The following CEP83 variants were observed in gnomAD, a reference collection of about 807,000 sequenced individuals.
CEP83 encodes the protein centrosomal protein 83, also known as centrosomal protein of 83 kDa.
In CEP83, 70 loss-of-function variants were observed where a neutral mutation model predicts 101.9. That is an observed-to-expected ratio of 0.69 (90% CI 0.57 to 0.84). CEP83 has a LOEUF of 0.84. Ranked by LOEUF, CEP83 falls within the 40% of genes least tolerant of loss-of-function variation. The probability of loss-of-function intolerance (pLI) is 0.00; values close to 1 mark genes in which losing one functional copy is unlikely to be tolerated. For synonymous variants in CEP83, 264 were observed against 267.9 expected, an observed-to-expected ratio of 0.99 and a Z score of 0.14; for missense variants, 715 against 787.2, an observed-to-expected ratio of 0.91 and a Z score of 1.10.
chr12:94,316,879 A>G (rs1043067698), intron 14 of CEP83, among the ~76,000 whole-genome samples: 2 of 152,120 alleles, frequency 1.3e-5, no homozygotes, highest in African/African-American at 4.8e-5. Context: ...TAGTGTTGCA[A>G]TGAACATATG....
At chr12:94,451,905 A>G (rs1457103292) in intron 1 of CEP83, among the ~76,000 whole-genome samples, 2 of 152,176 alleles carry the variant, frequency 1.3e-5, no homozygotes, top group Non-Finnish European at 2.9e-5. Flanking sequence ...TCCAATGTCT[A>G]TCACCTAGTG....
chr12:94,412,626 C>A, intron 2 of CEP83, 35 bp from the exon 3 acceptor site: 2 of 608,180 alleles, frequency 3.3e-6, no homozygotes, highest in South Asian at 2.4e-5. Context: ...ACATAATTTG[C>A]GATCAGTAAA....
At chr12:94,356,597 G>A (rs1034734617) in intron 11 of CEP83, among the ~76,000 whole-genome samples, 7 of 152,202 alleles carry the variant, frequency 4.6e-5, no homozygotes, top group Non-Finnish European at 7.4e-5. Context: ...CCCAGATCAA[G>A]AGGGAAATAT....
chr12:94,280,558 A>G, the CEP83 span, among the ~76,000 whole-genome samples: 1 of 152,238 alleles, frequency 6.6e-6, no homozygotes, highest in Non-Finnish European at 1.5e-5. Flanking sequence ...GTGGCTTTAA[A>G]GAAAGCAGGG....
At chr12:94,379,109 A>G in intron 6 of CEP83, 67 bp from the exon 7 acceptor site, 1 of 1,313,216 alleles carries the variant, frequency 7.6e-7, no homozygotes, top group Non-Finnish European at 1.0e-6. Context: ...AACATGCTTT[A>G]CAAGTCAGTA....
intron 7 of CEP83, among the ~76,000 whole-genome samples, chr12:94,376,688 TATACACACACACACACACACACACACAC>T (rs2061556120): frequency 2.3e-5 from 2 of 87,502 alleles, no homozygotes; most frequent in African/African-American, 9.9e-5. Context: ...TATATACATA[TATACACACACACACACACACACACACAC>T]ACACACACAC....
At chr12:94,402,123 CATATT>C (rs1415356341) in intron 5 of CEP83, 7 of 152,138 alleles carry the variant, frequency 4.6e-5, no homozygotes, top group Non-Finnish European at 7.4e-5. Flanking sequence ...AGCATTTAGT[CATATT>C]ATATCAACAC....
At chr12:94,397,684 T>C (rs1336821484) in intron 6 of CEP83, among the ~76,000 whole-genome samples, 1 of 152,176 alleles carries the variant, frequency 6.6e-6, no homozygotes, top group African/African-American at 2.4e-5. Context: ...ACCAGATAAG[T>C]ATCATCATTA....
chr12:94,272,721 C>G, the CEP83 span, among the ~76,000 whole-genome samples: 1 of 152,232 alleles, frequency 6.6e-6, no homozygotes, highest in Non-Finnish European at 1.5e-5. Context: ...ACTGGCCACA[C>G]CTGGCAGCAG....
In CEP83 at chr12:94,351,896, A is replaced by C. The variant is rs1369848706; in HGVS notation, c.1343+15898T>G. 5.3e-5 allele frequency among the ~76,000 whole-genome samples: 8 copies of C among 152,230 alleles called. No homozygotes were observed. In the South Asian group the frequency reaches 1.7e-3, roughly 32 times the overall value. The stretch of plus-strand genomic sequence containing the variant: ...AAGACATGAGATTCATTCTACAAAA[A>C]CTCACAGCAGAGACCACTGAGGTAC... On this transcript the variant is annotated intron_variant, in intron 11 of 16. Transcript: ENST00000397809.
Position 94,401,102 on chromosome 12 carries a change from T to A in CEP83, c.418-121A>T, listed in dbSNP as rs2063227220. On this transcript the variant is annotated intron_variant, in intron 5 of 16. Coordinates refer to ENST00000397809, the MANE Select transcript of CEP83 (RefSeq NM_016122.3). The stretch of plus-strand genomic sequence containing the variant: ...TGATAGCCACTCTAAAAGTAAAAAA[T>A]AAATTTAACAGAAATACAAATGAAT... 1.1e-5 allele frequency: 5 copies of A among 469,712 alleles called. No homozygotes were observed. The South Asian group carries it at 3.1e-4, about 29-fold the overall frequency. The allele number at this position is 469,712 out of a possible 1,614,324, so 29.1% of individuals were successfully genotyped here. A position where few individuals can be genotyped will look rare whatever the true frequency, so the allele number is the denominator to read the frequency against.
At chr12:94,422,284 G>A (rs189224190) in intron 2 of CEP83, among the ~76,000 whole-genome samples, 220 of 152,316 alleles carry the variant, frequency 1.4e-3, no homozygotes, top group Non-Finnish European at 2.6e-3. Context: ...TGTCTCCTTT[G>A]TTTGTATGTG....
At chr12:94,455,600 G>C (rs2067608858) in intron 1 of CEP83, among the ~76,000 whole-genome samples, 2 of 152,328 alleles carry the variant, frequency 1.3e-5, no homozygotes, top group Admixed American at 6.5e-5. Context: ...TTTTGAGACA[G>C]AAGATAGGTG....
At chr12:94,296,530 T>C in the CEP83 span, among the ~76,000 whole-genome samples, 1 of 152,158 alleles carries the variant, frequency 6.6e-6, no homozygotes, top group African/African-American at 2.4e-5. Flanking sequence ...CCTTACCCTT[T>C]ACAGCCACAT....
chr12:94,424,471 G>C, intron 2 of CEP83: 1 of 1,614,002 alleles, frequency 6.2e-7, no homozygotes, highest in Non-Finnish European at 8.5e-7. Flanking sequence ...TATCTCGAAG[G>C]ATACGGGTGG....
chr12:94,368,499 T>A, intron 9 of CEP83: 1 of 230,530 alleles, frequency 4.3e-6, no homozygotes, highest in Non-Finnish European at 8.3e-6. Flanking sequence ...TCAAACTGGA[T>A]GATAACCAGA....
At chr12:94,271,818 G>A in the CEP83 span, among the ~76,000 whole-genome samples, 2 of 152,158 alleles carry the variant, frequency 1.3e-5, no homozygotes, top group African/African-American at 2.4e-5. Flanking sequence ...AAAGTGTCCC[G>A]TCAGTATTCT....
At chr12:94,415,420 C>T (rs2064192345) in intron 2 of CEP83, among the ~76,000 whole-genome samples, 1 of 151,906 alleles carries the variant, frequency 6.6e-6, no homozygotes, top group Non-Finnish European at 1.5e-5. Context: ...AACAAATTGG[C>T]TAAAATGAAA....
the CEP83 span, among the ~76,000 whole-genome samples, chr12:94,298,007 A>G: frequency 6.7e-5 from 10 of 149,892 alleles, no homozygotes; most frequent in East Asian, 9.9e-4. Flanking sequence ...GATGAGCACT[A>G]TAAATGCTAT....
Sources: gnomAD v4.1 joint callset for allele counts (sites outside exome capture counted in the v4.1 genomes callset) on GRCh38, gnomAD v4.1.1 for gene constraint, MANE v1.5 for transcripts, NCBI Gene and HGNC (gene_info 2026-07-23, HGNC 2026-07-21) for gene names.